PPFIBP2: variants seen among roughly 807,000 people sequenced by gnomAD.
PPFIBP2 encodes the protein PPFIB scaffold protein 2.
Under a neutral mutation model 118.3 loss-of-function variants are expected in PPFIBP2, and 118 were observed. The observed-to-expected ratio is 1.00, with a 90% CI of 0.86 to 1.16. The LOEUF (loss-of-function observed/expected upper bound fraction) is 1.16, where lower values mean the gene tolerates loss of function less well. Among genes scored for constraint, PPFIBP2 ranks in the 50% most tolerant of loss-of-function variants. The pLI is 0.00. For synonymous variants in PPFIBP2, 414 were observed against 397.4 expected, an observed-to-expected ratio of 1.04 and a Z score of -0.50; for missense variants, 1,195 against 1,073.1, an observed-to-expected ratio of 1.11 and a Z score of -1.59.
chr11:7,563,436 CCT>C (rs1479399975), intron 2 of PPFIBP2, among the ~76,000 whole-genome samples: 2 of 152,184 alleles, frequency 1.3e-5, no homozygotes, highest in Non-Finnish European at 2.9e-5. Flanking sequence ...CTCCCCAGAG[CCT>C]CTGACTTGTT....
chr11:7,597,859 G>A, intron 5 of PPFIBP2, 186 bp downstream of exon 5: 2 of 572,414 alleles, frequency 3.5e-6, no homozygotes, highest in South Asian at 2.0e-5. Flanking sequence ...AGTGGCAGAG[G>A]GGGTAGGGAA....
intron 9 of PPFIBP2, among the ~76,000 whole-genome samples, chr11:7,628,608 A>G (rs1286415680): frequency 6.6e-6 from 1 of 152,170 alleles, no homozygotes; most frequent in Non-Finnish European, 1.5e-5. Flanking sequence ...TGGGGGGAAA[A>G]AAATACTGCT....
intron 1 of PPFIBP2, among the ~76,000 whole-genome samples, chr11:7,535,363 C>T (rs1564946676): frequency 6.6e-6 from 1 of 152,200 alleles, no homozygotes; most frequent in African/African-American, 2.4e-5. Context: ...TAAGGATGCT[C>T]TCTTGCGGCT....
At chr11:7,638,023 A>G (rs1443465117) in intron 14 of PPFIBP2, among the ~76,000 whole-genome samples, 1 of 152,234 alleles carries the variant, frequency 6.6e-6, no homozygotes, top group East Asian at 1.9e-4. Flanking sequence ...TATGTCGTAT[A>G]TAATAGGGAG....
chr11:7,578,197 A>G (rs1277673683), intron 3 of PPFIBP2, among the ~76,000 whole-genome samples: 1 of 152,184 alleles, frequency 6.6e-6, no homozygotes, highest in South Asian at 2.1e-4. Context: ...GATAAACCTG[A>G]GTGTGTGGTA....
At chr11:7,656,784 G>A, downstream of PPFIBP2, 6 of 1,289,836 alleles carry the variant, frequency 4.7e-6, no homozygotes, top group Non-Finnish European at 6.1e-6. Flanking sequence ...CCCCAACTCT[G>A]ATGACTGGAG....
intron 4 of PPFIBP2, chr11:7,597,265 C>G (rs1720505708): frequency 1.3e-6 from 2 of 1,535,080 alleles, no homozygotes; most frequent in Non-Finnish European, 1.7e-6. Context: ...GAGCAGGAGT[C>G]CAGCCCAGAG....
chr11:7,663,932 T>G, the PPFIBP2 span, among the ~76,000 whole-genome samples: 1 of 152,158 alleles, frequency 6.6e-6, no homozygotes, highest in African/African-American at 2.4e-5. Flanking sequence ...CGTCACCCCT[T>G]TCTTTGACTC....
chr11:7,518,880 G>C (rs996331537), intron 1 of PPFIBP2, among the ~76,000 whole-genome samples: 1 of 152,214 alleles, frequency 6.6e-6, no homozygotes, highest in South Asian at 2.1e-4. Context: ...GAGTATGGGC[G>C]GGAGAGAAGG....
At chr11:7,559,686 C>G (rs898197222) in intron 2 of PPFIBP2, among the ~76,000 whole-genome samples, 18 of 152,246 alleles carry the variant, frequency 1.2e-4, no homozygotes, top group African/African-American at 4.3e-4. Context: ...TTCTCAGATC[C>G]ATTTATGAAA....
At chr11:7,543,091 T>C (rs3934811) in intron 1 of PPFIBP2, among the ~76,000 whole-genome samples, 1,998 of 152,356 alleles carry the variant, frequency 0.013, 68 homozygotes, top group African/African-American at 0.046. Context: ...TGGGATGTGA[T>C]TGAGAATTTA....
intron 2 of PPFIBP2, among the ~76,000 whole-genome samples, chr11:7,559,037 G>A (rs2134645576): frequency 6.6e-6 from 1 of 152,072 alleles, no homozygotes; most frequent in South Asian, 2.1e-4. Flanking sequence ...ATCCCTGGAG[G>A]AGGGCCCAGG....
intron 6 of PPFIBP2, among the ~76,000 whole-genome samples, chr11:7,615,352 A>G (rs934094178): frequency 2.0e-5 from 3 of 148,934 alleles, no homozygotes; most frequent in African/African-American, 7.6e-5. Flanking sequence ...AAAAAAAAAA[A>G]AGAATTATAA....
At position 7,558,781 on chromosome 11, in the gene PPFIBP2, C is replaced by T. The variant is rs1853958710; in HGVS notation, c.65-6772C>T. Reference sequence around the variant, plus strand: ...AAAAAAAAAAAGAAAGAAAAAAAGGCTTTCAATGAAATCCTATAACACTTG... The same window carrying T: ...AAAAAAAAAAAGAAAGAAAAAAAGGTTTTCAATGAAATCCTATAACACTTG... On this transcript the variant is annotated intron_variant, in intron 2 of 23. Transcript: ENST00000299492. 3.9e-5 allele frequency among the ~76,000 whole-genome samples: 6 copies of T among 151,982 alleles called. No individual in the cohort carries two copies. The South Asian group carries it at 1.2e-3, about 32-fold the overall frequency.
At chr11:7,633,883 G>C (rs1851103176) in intron 12 of PPFIBP2, among the ~76,000 whole-genome samples, 1 of 152,182 alleles carries the variant, frequency 6.6e-6, no homozygotes, top group Non-Finnish European at 1.5e-5. Context: ...CTGCCAAGGA[G>C]ACTTGGCACA....
At position 7,653,748 on chromosome 11, in the gene PPFIBP2, A is replaced by C; in HGVS notation, c.*530A>C. 8.2e-7 allele frequency: 1 copy of C among 1,212,696 alleles called. No homozygotes were observed. The highest frequency in any genetic ancestry group is 1.0e-6 in the Non-Finnish European group (1 of 954,744). The allele number at this position is 1,212,696 out of a possible 1,614,324, so 75.1% of individuals were successfully genotyped here. A position where few individuals can be genotyped will look rare whatever the true frequency, so the allele number is the denominator to read the frequency against. On this transcript the variant is annotated 3_prime_UTR_variant, in exon 24 of 24. Transcript: ENST00000299492. ...CTTTCTTGTAATAAAAGCAATATTT[A>C]TGCGGAAAGCAAGCAGCTCACCATA...
At chr11:7,590,980 CTGAT>C (rs1421359779) in intron 3 of PPFIBP2, among the ~76,000 whole-genome samples, 129 of 152,238 alleles carry the variant, frequency 8.5e-4, no homozygotes, top group East Asian at 7.7e-4. Context: ...ATCCTGTTAA[CTGAT>C]TGTGCCTCTC....
At chr11:7,665,325 CTGAAACAGA>C in the PPFIBP2 span, 1 of 1,425,886 alleles carries the variant, frequency 7.0e-7, no homozygotes, top group African/African-American at 1.4e-5. Flanking sequence ...TGAACTTACT[CTGAAACAGA>C]TGAAAAGGGA....
rs1854385972 is a variant in PPFIBP2 at position 7,653,546 on chromosome 11, G to A, written c.*328G>A. ...ACTTCGATGCAGGTCCAGAGACCAT[G>A]GACACTCCCACGAGGCTCAGCTCTC... On this transcript the variant is annotated 3_prime_UTR_variant, in exon 24 of 24. Transcript: ENST00000299492. The A allele has an allele frequency of 9.8e-6, 13 of 1,324,240 alleles. No individual in the cohort carries two copies. The highest frequency in any genetic ancestry group is 1.3e-5 in the Non-Finnish European group (13 of 1,012,412). 82.0% of individuals were successfully genotyped at this position (1,324,240 alleles called of 1,614,324 possible).
Sources: gnomAD v4.1 joint callset for allele counts (sites outside exome capture counted in the v4.1 genomes callset) on GRCh38, gnomAD v4.1.1 for gene constraint, MANE v1.5 for transcripts, NCBI Gene and HGNC (gene_info 2026-07-23, HGNC 2026-07-21) for gene names.